RBMS3: variants seen among roughly 807,000 people sequenced by gnomAD.
RBMS3 encodes the protein RNA-binding motif, single-stranded-interacting protein 3.
In RBMS3, 27 loss-of-function variants were observed where a neutral mutation model predicts 66.8. The observed-to-expected ratio is 0.40, with a 90% CI of 0.30 to 0.56. The LOEUF (loss-of-function observed/expected upper bound fraction) is 0.56. Among genes scored for constraint, RBMS3 ranks in the 20% least tolerant of loss-of-function variants. RBMS3 has a pLI of 0.40. For synonymous variants in RBMS3, 188 were observed against 183.0 expected (o/e 1.03, Z -0.22); for missense variants, 513 against 549.5 (o/e 0.93, Z 0.66).
intron 3 of RBMS3, among the ~76,000 whole-genome samples, chr3:29,569,422 C>T: frequency 6.6e-6 from 1 of 151,790 alleles, no homozygotes; most frequent in African/African-American, 2.4e-5. Flanking sequence ...GACAACATAT[C>T]TTTGTTGAAA....
intron 4 of RBMS3, chr3:29,616,066 G>GAA (rs2048660414): frequency 6.6e-6 from 1 of 152,226 alleles, no homozygotes; most frequent in African/African-American, 2.4e-5. Flanking sequence ...GCTCAAGGAG[G>GAA]AAATGAGGGG....
At chr3:29,411,244 T>A (rs1382913287) in intron 1 of RBMS3, among the ~76,000 whole-genome samples, 1 of 152,176 alleles carries the variant, frequency 6.6e-6, no homozygotes, top group Non-Finnish European at 1.5e-5. Flanking sequence ...TAAGGTGGCA[T>A]AAAAGTAATG....
chr3:29,561,653 G>A (rs2046560190), intron 3 of RBMS3, among the ~76,000 whole-genome samples: 1 of 151,960 alleles, frequency 6.6e-6, no homozygotes, highest in East Asian at 1.9e-4. Flanking sequence ...GGGTTTCACC[G>A]TGTTGGTCAG....
intron 1 of RBMS3, among the ~76,000 whole-genome samples, chr3:29,326,977 G>A (rs1272983267): frequency 3.9e-5 from 6 of 152,014 alleles, no homozygotes; most frequent in South Asian, 2.1e-4. Flanking sequence ...TGATCTGCCC[G>A]CACTGGCCTC....
intron 4 of RBMS3, among the ~76,000 whole-genome samples, chr3:29,635,690 G>A (rs746551644): frequency 6.6e-6 from 1 of 151,770 alleles, no homozygotes; most frequent in Non-Finnish European, 1.5e-5. Context: ...GTCTCACTCG[G>A]GTAAAAGCCA....
chr3:29,655,545 C>T (rs1275598901), intron 4 of RBMS3, among the ~76,000 whole-genome samples: 1 of 152,198 alleles, frequency 6.6e-6, no homozygotes, highest in African/African-American at 2.4e-5. Context: ...CAATGTGTTA[C>T]TCACATGTGC....
intron 3 of RBMS3, among the ~76,000 whole-genome samples, chr3:29,553,987 A>G (rs1258291181): frequency 1.3e-5 from 2 of 152,126 alleles, no homozygotes; most frequent in African/African-American, 2.4e-5. Flanking sequence ...CTAGCTTCCT[A>G]TGAGCCTTTT....
At chr3:29,396,585 C>T (rs939564624) in intron 1 of RBMS3, among the ~76,000 whole-genome samples, 1 of 152,084 alleles carries the variant, frequency 6.6e-6, no homozygotes, top group Non-Finnish European at 1.5e-5. Flanking sequence ...ACCAATTTCA[C>T]TCTTGGACGG....
At chr3:29,692,285 A>G (rs964084216) in intron 4 of RBMS3, among the ~76,000 whole-genome samples, 2 of 151,888 alleles carry the variant, frequency 1.3e-5, no homozygotes, top group South Asian at 4.1e-4. Flanking sequence ...CCCGACCTCT[A>G]TATTTTTTAA....
At chr3:29,483,262 T>C (rs1354320513) in intron 2 of RBMS3, among the ~76,000 whole-genome samples, 4 of 139,992 alleles carry the variant, frequency 2.9e-5, no homozygotes, top group African/African-American at 1.1e-4. Flanking sequence ...TGAGCCGAGA[T>C]CGCGTCACTG....
At chr3:29,725,839 A>G (rs1007614096) in intron 4 of RBMS3, among the ~76,000 whole-genome samples, 2 of 152,166 alleles carry the variant, frequency 1.3e-5, no homozygotes, top group Non-Finnish European at 2.9e-5. Flanking sequence ...AAAAGAGGGA[A>G]TCCTCCCTAA....
At chr3:29,556,508 CAGG>C (rs1020423128) in intron 3 of RBMS3, 1 of 152,490 alleles carries the variant, frequency 6.6e-6, no homozygotes, top group Non-Finnish European at 1.5e-5. Flanking sequence ...GAGGCTGAGG[CAGG>C]AGAATGGCAT....
intron 1 of RBMS3, among the ~76,000 whole-genome samples, chr3:29,301,187 G>C (rs888282217): frequency 6.6e-6 from 1 of 151,956 alleles, no homozygotes; most frequent in African/African-American, 2.4e-5. Flanking sequence ...TGTCACCATG[G>C]AGGCGACATT....
At chr3:29,811,460 C>CT (rs11448176) in intron 6 of RBMS3, among the ~76,000 whole-genome samples, 55,853 of 152,014 alleles carry the variant, frequency 0.37, 11,192 homozygotes, top group Non-Finnish European at 0.46. Flanking sequence ...TGAACACCTT[C>CT]TATAAGCTGG....
intron 1 of RBMS3, among the ~76,000 whole-genome samples, chr3:29,300,865 T>C (rs569642463): frequency 5.3e-4 from 81 of 152,020 alleles, no homozygotes; most frequent in African/African-American, 1.9e-3. Flanking sequence ...ATATAGAAAG[T>C]GCTTTGATTG....
intron 2 of RBMS3, among the ~76,000 whole-genome samples, chr3:29,482,701 C>CTTTTTTTTTTTTTTTTTTTTTT (rs755520785): frequency 5.0e-4 from 39 of 77,508 alleles, no homozygotes; most frequent in East Asian, 9.2e-4. Context: ...TTCTTTCTTT[C>CTTTTTTTTTTTTTTTTTTTTTT]TTTTTTTTTT....
chr3:29,448,401 G>C (rs1232046176), intron 2 of RBMS3, among the ~76,000 whole-genome samples: 4 of 152,160 alleles, frequency 2.6e-5, no homozygotes, highest in Admixed American at 2.6e-4. Flanking sequence ...CATTTTGTTT[G>C]AGCAGAAAGG....
chr3:29,603,777 A>G (rs1359635155), intron 4 of RBMS3, among the ~76,000 whole-genome samples: 1 of 152,030 alleles, frequency 6.6e-6, no homozygotes, highest in Non-Finnish European at 1.5e-5. Context: ...ATTATTACCC[A>G]TGGTAAAGAG....
At chr3:29,859,100 C>T (rs1477155170) in intron 6 of RBMS3, among the ~76,000 whole-genome samples, 1 of 152,042 alleles carries the variant, frequency 6.6e-6, no homozygotes, top group Non-Finnish European at 1.5e-5. Flanking sequence ...TATTTATTTC[C>T]TCTTTTTAGT....
Sources: gnomAD v4.1 joint callset for allele counts (sites outside exome capture counted in the v4.1 genomes callset) on GRCh38, gnomAD v4.1.1 for gene constraint, MANE v1.5 for transcripts, NCBI Gene and HGNC (gene_info 2026-07-23, HGNC 2026-07-21) for gene names.